Variants in DCAF8L2 observed in about 807,000 individuals in gnomAD.
The protein encoded by DCAF8L2 is DDB1 and CUL4 associated factor 8 like 2.
For missense variants in DCAF8L2, 430 were observed against 490.7 expected (o/e 0.88, Z 1.17); for synonymous variants, 200 against 190.9 (o/e 1.05, Z -0.39).
At chrX:27,711,398 CGT>C (rs10574517) in intron 3 of DCAF8L2, among the ~76,000 whole-genome samples, 34,754 of 94,656 alleles carry the variant, frequency 0.37, 5,106 homozygotes, top group Middle Eastern at 0.5. Flanking sequence ...TGTGTGTGTA[CGT>C]GTGTGTGTGT....
chrX:27,511,926 C>A, the DCAF8L2 span, among the ~76,000 whole-genome samples: 11 of 111,001 alleles, frequency 9.9e-5, no homozygotes, highest in East Asian at 2.8e-4. Context: ...ACAACAACAA[C>A]AAAAAACCTC....
intron 2 of DCAF8L2, among the ~76,000 whole-genome samples, chrX:27,658,438 G>A (rs1184590201): frequency 1.8e-5 from 2 of 112,047 alleles, no homozygotes; most frequent in Non-Finnish European, 3.8e-5. Context: ...ATTTCAAAAT[G>A]AATGTCTATT....
At chrX:27,537,414 G>A in the DCAF8L2 span, among the ~76,000 whole-genome samples, 6 of 112,199 alleles carry the variant, frequency 5.3e-5, no homozygotes, top group African/African-American at 6.5e-5. Context: ...ATTTAATGAC[G>A]GAATATGGTA....
intron 2 of DCAF8L2, among the ~76,000 whole-genome samples, chrX:27,673,064 C>G (rs1043277536): frequency 9.0e-6 from 1 of 111,095 alleles, no homozygotes; most frequent in African/African-American, 3.3e-5. Flanking sequence ...CATACACACA[C>G]ACAAACACAC....
At chrX:27,730,180 G>A (rs1190255079) in intron 4 of DCAF8L2, among the ~76,000 whole-genome samples, 1 of 112,060 alleles carries the variant, frequency 8.9e-6, no homozygotes, top group African/African-American at 3.2e-5. Context: ...CAAGTTGGAG[G>A]TGAAGGTGGT....
the DCAF8L2 span, among the ~76,000 whole-genome samples, chrX:27,492,911 T>G: frequency 8.9e-6 from 1 of 112,386 alleles, no homozygotes; most frequent in African/African-American, 3.2e-5. Context: ...TTCTATATTT[T>G]TTATTATTAA....
At chrX:27,690,583 A>G (rs763559342) in intron 3 of DCAF8L2, among the ~76,000 whole-genome samples, 18 of 109,130 alleles carry the variant, frequency 1.6e-4, no homozygotes, top group African/African-American at 6.1e-4. Flanking sequence ...TGACATATGA[A>G]TTACATCAAA....
intron 3 of DCAF8L2, among the ~76,000 whole-genome samples, chrX:27,696,258 AAG>A (rs1201774659): frequency 3.9e-4 from 35 of 89,227 alleles, no homozygotes; most frequent in South Asian, 1.3e-3. Context: ...GGAAGGAAGG[AAG>A]AGAGAGAGAG....
At chrX:27,561,915 T>C in the DCAF8L2 span, among the ~76,000 whole-genome samples, 1 of 111,837 alleles carries the variant, frequency 8.9e-6, no homozygotes, top group African/African-American at 3.2e-5. Context: ...ATATGTTTCA[T>C]TTCTTAGGTA....
At chrX:27,568,665 T>A in the DCAF8L2 span, among the ~76,000 whole-genome samples, 2 of 109,968 alleles carry the variant, frequency 1.8e-5, no homozygotes, top group South Asian at 3.9e-4. Context: ...TCTGTTTTTT[T>A]TTTTCTGACT....
At chrX:27,492,875 C>T in the DCAF8L2 span, among the ~76,000 whole-genome samples, 1 of 112,042 alleles carries the variant, frequency 8.9e-6, no homozygotes, top group Non-Finnish European at 1.9e-5. Flanking sequence ...CCAGTTTCTC[C>T]ACATCCTGAG....
the DCAF8L2 span, among the ~76,000 whole-genome samples, chrX:27,516,803 C>T: frequency 8.9e-6 from 1 of 111,949 alleles, no homozygotes; most frequent in East Asian, 2.8e-4. Context: ...TTGTCATCCC[C>T]TCCTCAGGAC....
chrX:27,672,442 T>G (rs1361568843), intron 2 of DCAF8L2, among the ~76,000 whole-genome samples: 1 of 112,324 alleles, frequency 8.9e-6, no homozygotes, highest in East Asian at 2.8e-4. Context: ...CACTACGTTT[T>G]CCTACACACT....
chrX:27,590,773 C>T (rs1487606047), intron 1 of DCAF8L2, among the ~76,000 whole-genome samples: 3 of 108,222 alleles, frequency 2.8e-5, no homozygotes, highest in African/African-American at 1.0e-4. Context: ...AGAGATAATT[C>T]ATCTTATAAT....
At chrX:27,660,081 G>C (rs1270426353) in intron 2 of DCAF8L2, among the ~76,000 whole-genome samples, 1 of 111,557 alleles carries the variant, frequency 9.0e-6, no homozygotes, top group East Asian at 2.8e-4. Context: ...GAAGTGCAAC[G>C]GCGCGATCTC....
At chrX:27,591,339 A>G (rs1926083571) in intron 1 of DCAF8L2, among the ~76,000 whole-genome samples, 1 of 111,005 alleles carries the variant, frequency 9.0e-6, no homozygotes, top group Non-Finnish European at 1.9e-5. Context: ...TCCAGATACT[A>G]TGATAACCAA....
At position 27,686,130 on chromosome X, in the gene DCAF8L2, C is replaced by T. The variant is rs141021361; in HGVS notation, c.-143+8218C>T. Among the ~76,000 whole-genome samples, 498 of 110,767 alleles carry T rather than the reference C, an allele frequency of 4.5e-3. 3 individuals carry two copies. Among genetic ancestry groups the T allele is most frequent in the Middle Eastern group, 9.3e-3 (2 of 214 alleles). On this transcript the variant is annotated intron_variant, in intron 3 of 4. Transcript: ENST00000451261. ...GACAAAGGGAAACTTTAGTACACTG[C>T]GGGTGGGAGCGCAGTGTAGTAAAGC...
At chrX:27,500,728 G>T in the DCAF8L2 span, among the ~76,000 whole-genome samples, 1 of 111,422 alleles carries the variant, frequency 9.0e-6, no homozygotes, top group African/African-American at 3.3e-5. Context: ...AAAGTTTCTT[G>T]TATTAACTGT....
At chrX:27,526,970 TC>T in the DCAF8L2 span, among the ~76,000 whole-genome samples, 1 of 112,262 alleles carries the variant, frequency 8.9e-6, no homozygotes, top group South Asian at 3.7e-4. Context: ...TACTCAGGGG[TC>T]TGGGACCCAC....
Sources: allele counts gnomAD v4.1 joint callset (sites outside exome capture counted in the v4.1 genomes callset), GRCh38; gene constraint gnomAD v4.1.1; transcripts MANE v1.5; gene names NCBI Gene and HGNC (gene_info 2026-07-23, HGNC 2026-07-21).